Variants in TWIST2 observed in about 807,000 individuals in gnomAD.
TWIST2 encodes the protein twist-related protein 2.
A neutral mutation model predicts 11.6 loss-of-function variants in TWIST2; 1 was observed. The ratio of observed to expected loss-of-function variants is 0.09; its 90% CI spans 0.03 to 0.41. The LOEUF is 0.41. Among genes scored for constraint, TWIST2 ranks in the 10% least tolerant of loss-of-function variants. TWIST2 has a pLI of 0.98. For missense variants in TWIST2, 168 were observed against 226.4 expected (o/e 0.74, Z 1.66); for synonymous variants, 87 against 96.6 (o/e 0.90, Z 0.58).
At chr2:238,876,791 C>G (rs1363932678) in intron 1 of TWIST2, among the ~76,000 whole-genome samples, 1 of 152,022 alleles carries the variant, frequency 6.6e-6, no homozygotes, top group Non-Finnish European at 1.5e-5. Context: ...TGCTCAGATT[C>G]TTGGATTCAT....
chr2:238,857,894 G>T (rs866679852), intron 1 of TWIST2, among the ~76,000 whole-genome samples: 1 of 152,112 alleles, frequency 6.6e-6, no homozygotes, highest in African/African-American at 2.4e-5. Flanking sequence ...CTGAGATCGC[G>T]CCACTGCACT....
At position 238,890,510 on chromosome 2, in the gene TWIST2, G is replaced by T. The variant is rs549219818; in HGVS notation, c.*36-19332G>T. ...CCCACTTAGGGTTTTTGTTCCAGAG[G>T]TATGACCAGAAATGTGTGTGCATGT... On this transcript the variant is annotated intron_variant, in intron 1 of 1. Transcript: ENST00000612363. Among the ~76,000 whole-genome samples the T allele has an allele frequency of 4.6e-5, 7 of 152,290 alleles. No individual in the cohort carries two copies. The East Asian group carries it at 1.4e-3, about 29-fold the overall frequency.
At chr2:238,889,053 G>A (rs1693087186) in intron 1 of TWIST2, among the ~76,000 whole-genome samples, 1 of 152,150 alleles carries the variant, frequency 6.6e-6, no homozygotes, top group Non-Finnish European at 1.5e-5. Context: ...CATTCCCAGG[G>A]TGGCAGCAGG....
chr2:238,848,088 CA>C lies in TWIST2; in HGVS notation c.-126del, dbSNP rs1433541161. ...CTCTCCCGGAGACCTCGGTTTTGCACAAGCCGGCCTTGAAATCAGAGCCTTT... is the reference window on the plus strand; with the variant it reads ...CTCTCCCGGAGACCTCGGTTTTGCACAGCCGGCCTTGAAATCAGAGCCTTT... On this transcript the variant is annotated 5_prime_UTR_variant, in exon 1 of 2. Coordinates refer to ENST00000612363, the MANE Select transcript of TWIST2 (RefSeq NM_001271893.4). 1 of 778,112 alleles carries C rather than the reference CA, an allele frequency of 1.3e-6. No homozygotes were observed. Among genetic ancestry groups the C allele is most frequent in the African/African-American group, 1.8e-5 (1 of 54,290 alleles). 48.2% of individuals were successfully genotyped at this position (778,112 alleles called of 1,614,324 possible).
chr2:238,894,228 C>T (rs1693181030), intron 1 of TWIST2, among the ~76,000 whole-genome samples: 2 of 152,200 alleles, frequency 1.3e-5, no homozygotes, highest in South Asian at 4.1e-4. Flanking sequence ...CCAGCATGTC[C>T]CTTTGCTGAG....
intron 1 of TWIST2, among the ~76,000 whole-genome samples, chr2:238,850,097 G>A (rs972272180): frequency 1.3e-5 from 2 of 152,190 alleles, no homozygotes; most frequent in African/African-American, 2.4e-5. Context: ...ATCCAGCACA[G>A]GTGGGTTTTA....
At chr2:238,868,403 CA>C (rs1049518026) in intron 1 of TWIST2, among the ~76,000 whole-genome samples, 1 of 152,212 alleles carries the variant, frequency 6.6e-6, no homozygotes, top group Non-Finnish European at 1.5e-5. Flanking sequence ...GAACAAAAAA[CA>C]AAACCCAAGC....
intron 1 of TWIST2, among the ~76,000 whole-genome samples, chr2:238,879,808 T>C (rs1457291628): frequency 6.6e-6 from 1 of 152,150 alleles, no homozygotes; most frequent in Admixed American, 6.5e-5. Context: ...CCTGGTGTGG[T>C]GTGGTCAGGG....
intron 1 of TWIST2, among the ~76,000 whole-genome samples, chr2:238,884,549 G>T (rs1346303187): frequency 6.6e-6 from 1 of 152,240 alleles, no homozygotes; most frequent in Admixed American, 6.5e-5. Flanking sequence ...GCACGTTCAA[G>T]GGTGTGGTTG....
In TWIST2 at chr2:238,862,169, TTTCCGACCATCTGC is replaced by T. The variant is rs199726346; in HGVS notation, c.*35+13441_*35+13454del. The stretch of plus-strand genomic sequence containing the variant: ...GAAGTGGTGTTTACTAATGCAGGCC[TTTCCGACCATCTGC>T]TTCCAAAAGCTGACCATTCCAAGTC... On this transcript the variant is annotated intron_variant, in intron 1 of 1. Coordinates refer to ENST00000612363, the MANE Select transcript of TWIST2 (RefSeq NM_001271893.4). 8.4e-3 allele frequency among the ~76,000 whole-genome samples: 1,285 copies of T among 152,320 alleles called. 16 individuals carry two copies. Among genetic ancestry groups the T allele is most frequent in the African/African-American group, 0.029 (1,205 of 41,566 alleles).
chr2:238,855,648 G>A (rs1692316885), intron 1 of TWIST2, among the ~76,000 whole-genome samples: 1 of 152,164 alleles, frequency 6.6e-6, no homozygotes, highest in Non-Finnish European at 1.5e-5. Context: ...AGTTGAAACA[G>A]CATCTTTTAA....
chr2:238,874,028 G>A (rs138202108), intron 1 of TWIST2, among the ~76,000 whole-genome samples: 3,708 of 152,256 alleles, frequency 0.024, 139 homozygotes, highest in African/African-American at 0.085. Flanking sequence ...GGGTTCATGC[G>A]TTAGAGGAGT....
At chr2:238,873,521 T>C (rs1692748014) in intron 1 of TWIST2, among the ~76,000 whole-genome samples, 1 of 151,870 alleles carries the variant, frequency 6.6e-6, no homozygotes, top group Middle Eastern at 3.4e-3. Flanking sequence ...GGCTTCAGAG[T>C]AGAAGGGAGC....
Position 238,866,350 on chromosome 2 carries a change from T to G in TWIST2, c.*35+17617T>G, listed in dbSNP as rs1425140640. Among the ~76,000 whole-genome samples the G allele has an allele frequency of 6.6e-6, 1 of 152,258 alleles. No individual in the cohort carries two copies. Among genetic ancestry groups the G allele is most frequent in the African/African-American group, 2.4e-5 (1 of 41,470 alleles). On this transcript the variant is annotated intron_variant, in intron 1 of 1. Transcript: ENST00000612363. This position sits in a 1 kb window ranked among gnomAD's most constrained non-coding sequence, Gnocchi z 4.9. The stretch of plus-strand genomic sequence containing the variant: ...GGGTGAGGAGATGAGCAAACCCACA[T>G]GCTTGTTCTTAAAGCATGGCACCTT...
chr2:238,895,791 T>C (rs1282053502), intron 1 of TWIST2, among the ~76,000 whole-genome samples: 1 of 152,162 alleles, frequency 6.6e-6, no homozygotes, highest in Admixed American at 6.5e-5. Flanking sequence ...GGAGAGGCTC[T>C]GCAGGGTGGC....
intron 1 of TWIST2, among the ~76,000 whole-genome samples, chr2:238,905,291 G>A (rs1265954518): frequency 1.3e-5 from 2 of 152,140 alleles, no homozygotes; most frequent in African/African-American, 4.8e-5. Context: ...CCCATCCCCC[G>A]ACTCCTGGGC....
At chr2:238,849,174 GT>G (rs1310775134) in intron 1 of TWIST2, among the ~76,000 whole-genome samples, 2 of 152,202 alleles carry the variant, frequency 1.3e-5, no homozygotes, top group Non-Finnish European at 2.9e-5. Context: ...CGAGCCGGGT[GT>G]TGCCGGGCGA....
intron 1 of TWIST2, among the ~76,000 whole-genome samples, chr2:238,862,477 A>G (rs750608304): frequency 2.7e-4 from 41 of 152,240 alleles, no homozygotes; most frequent in Non-Finnish European, 3.8e-4. Flanking sequence ...AACTTCAACA[A>G]TAATCTAAGG....
At chr2:238,877,161 C>A (rs1005831174) in intron 1 of TWIST2, among the ~76,000 whole-genome samples, 1 of 152,108 alleles carries the variant, frequency 6.6e-6, no homozygotes, top group South Asian at 2.1e-4. Flanking sequence ...CGTGCCACTG[C>A]GCTCCAGCCT....
Sources: allele counts gnomAD v4.1 joint callset (sites outside exome capture counted in the v4.1 genomes callset), GRCh38; gene constraint gnomAD v4.1.1; non-coding constraint Gnocchi (gnomAD v3.1); transcripts MANE v1.5; gene names NCBI Gene and HGNC (gene_info 2026-07-23, HGNC 2026-07-21).